ARHGAP26: variants seen among roughly 807,000 people sequenced by gnomAD.
The protein encoded by ARHGAP26 is rho GTPase-activating protein 26.
A neutral mutation model predicts 104.8 loss-of-function variants in ARHGAP26; 38 were observed. The ratio of observed to expected loss-of-function variants is 0.36; its 90% CI spans 0.28 to 0.48. ARHGAP26 has a LOEUF of 0.48. Among genes scored for constraint, ARHGAP26 ranks in the 20% least tolerant of loss-of-function variants. The pLI, the probability that ARHGAP26 is intolerant of heterozygous loss-of-function variation, is 0.99. For missense variants in ARHGAP26, 704 were observed against 947.9 expected (o/e 0.74, Z 3.38); for synonymous variants, 341 against 340.0 (o/e 1.00, Z -0.03).
chr5:143,064,028 T>TTGG (rs1787127485), intron 17 of ARHGAP26, among the ~76,000 whole-genome samples: 1 of 152,134 alleles, frequency 6.6e-6, no homozygotes, highest in Non-Finnish European at 1.5e-5. Flanking sequence ...ACACATGTGT[T>TTGG]TGGTGGTGGT....
intron 1 of ARHGAP26, among the ~76,000 whole-genome samples, chr5:142,841,448 G>A (rs921595913): frequency 1.3e-5 from 2 of 152,190 alleles, no homozygotes; most frequent in African/African-American, 4.8e-5. Flanking sequence ...AAGATTGGGT[G>A]GGAGCTGAGG....
chr5:143,156,928 C>T (rs1455210376), intron 20 of ARHGAP26, among the ~76,000 whole-genome samples: 4 of 152,238 alleles, frequency 2.6e-5, no homozygotes, highest in African/African-American at 9.6e-5. Flanking sequence ...CAAATCAAGA[C>T]AGGGTGGGTG....
chr5:142,776,296 T>C (rs1035185986), intron 1 of ARHGAP26, among the ~76,000 whole-genome samples: 6 of 152,164 alleles, frequency 3.9e-5, no homozygotes, highest in African/African-American at 1.4e-4. Context: ...AAGTGTATAA[T>C]TCAGTGGTTT....
chr5:143,054,260 A>T (rs1785463168), intron 14 of ARHGAP26, among the ~76,000 whole-genome samples, 179 bp from the exon 15 acceptor site: 1 of 152,262 alleles, frequency 6.6e-6, no homozygotes, highest in African/African-American at 2.4e-5. Flanking sequence ...CATTCTTGCC[A>T]GCAAGAGATA....
chr5:142,912,104 A>C (rs1363488636), intron 9 of ARHGAP26, among the ~76,000 whole-genome samples: 1 of 152,242 alleles, frequency 6.6e-6, no homozygotes, highest in Non-Finnish European at 1.5e-5. Flanking sequence ...AGAAACCCTA[A>C]CAAATTCCTA....
At position 142,852,378 on chromosome 5, in the gene ARHGAP26, T is replaced by C. The variant is rs78932435; in HGVS notation, c.155-21022T>C. 5.3e-3 allele frequency among the ~76,000 whole-genome samples: 811 copies of C among 152,306 alleles called. 16 individuals carry two copies. In the East Asian group the frequency reaches 0.056, roughly 11 times the overall value. Reference sequence around the variant, plus strand: ...TCCTCACAGGCATTGCTGAGTTCTTTACTAGTGCTGGCTAAGGTCAAAGGC... The same window carrying C: ...TCCTCACAGGCATTGCTGAGTTCTTCACTAGTGCTGGCTAAGGTCAAAGGC... On this transcript the variant is annotated intron_variant, in intron 1 of 22. Transcript: ENST00000645722.
At chr5:143,118,985 A>C (rs182461166) in intron 17 of ARHGAP26, among the ~76,000 whole-genome samples, 1 of 152,044 alleles carries the variant, frequency 6.6e-6, no homozygotes, top group East Asian at 1.9e-4. Context: ...AGTGGGGCCC[A>C]CTACAGGTTT....
At chr5:142,970,786 A>G (rs1772151699) in intron 11 of ARHGAP26, among the ~76,000 whole-genome samples, 1 of 152,216 alleles carries the variant, frequency 6.6e-6, no homozygotes, top group Non-Finnish European at 1.5e-5. Context: ...GCAGTAATCT[A>G]CTAATAGAAG....
chr5:142,885,359 T>G lies in ARHGAP26; in HGVS notation c.446T>G (p.Leu149Trp). 2 of 1,613,820 alleles carry G rather than the reference T, an allele frequency of 1.2e-6. No homozygotes were observed. The highest frequency in any genetic ancestry group is 2.2e-5 in the South Asian group (2 of 91,032). Residue 149 changes from leucine (L) to tryptophan (W), a missense_variant, in exon 5 of 23, where the codon TTG becomes TGG. Transcript: ENST00000645722. ...EKYCGILEKH[L>W]NLSSKKKESQ... ...TATTGTGGCATCTTAGAAAAACACT[T>G]GAATTTGTCTTCCAAAAAGAAAGAA...
intron 1 of ARHGAP26, among the ~76,000 whole-genome samples, chr5:142,808,041 C>A (rs1763320992): frequency 6.6e-6 from 1 of 151,808 alleles, no homozygotes; most frequent in African/African-American, 2.4e-5. Flanking sequence ...CGAAACCATC[C>A]TGGCTAATAC....
At chr5:143,019,349 T>G (rs1281584869) in intron 12 of ARHGAP26, among the ~76,000 whole-genome samples, 1 of 152,136 alleles carries the variant, frequency 6.6e-6, no homozygotes, top group East Asian at 1.9e-4. Flanking sequence ...TCCCTTTCAT[T>G]ATTACAAAGA....
At chr5:142,875,458 A>C (rs2152368588) in intron 3 of ARHGAP26, among the ~76,000 whole-genome samples, 1 of 152,158 alleles carries the variant, frequency 6.6e-6, no homozygotes, top group East Asian at 1.9e-4. Flanking sequence ...GAATTATTTC[A>C]CTTTTTTGGG....
chr5:143,031,086 G>A (rs1234190010), intron 12 of ARHGAP26, among the ~76,000 whole-genome samples: 2 of 152,232 alleles, frequency 1.3e-5, no homozygotes, highest in East Asian at 1.9e-4. Context: ...GCTCCCGTGC[G>A]AAATCCACAG....
At chr5:142,892,064 G>A (rs933544520) in intron 5 of ARHGAP26, among the ~76,000 whole-genome samples, 1 of 151,932 alleles carries the variant, frequency 6.6e-6, no homozygotes, top group Non-Finnish European at 1.5e-5. Context: ...CACAGAGGGA[G>A]AAGTGAAATT....
At chr5:143,137,569 T>C (rs1798042972) in intron 19 of ARHGAP26, among the ~76,000 whole-genome samples, 1 of 152,266 alleles carries the variant, frequency 6.6e-6, no homozygotes, top group South Asian at 2.1e-4. Flanking sequence ...ACCTCTCCTC[T>C]ACCTTCACAC....
intron 10 of ARHGAP26, among the ~76,000 whole-genome samples, chr5:142,920,030 T>TA (rs1304007707): frequency 1.3e-5 from 2 of 152,198 alleles, no homozygotes. Flanking sequence ...TCACTTTTTT[T>TA]ATTCTTTAAT....
At chr5:142,977,855 C>G (rs1773347107) in intron 11 of ARHGAP26, among the ~76,000 whole-genome samples, 1 of 152,206 alleles carries the variant, frequency 6.6e-6, no homozygotes, top group Non-Finnish European at 1.5e-5. Flanking sequence ...GCTCTGGTAT[C>G]TTGTGTTTCT....
At chr5:143,009,605 CATA>C (rs1274363361) in intron 11 of ARHGAP26, among the ~76,000 whole-genome samples, 6 of 152,174 alleles carry the variant, frequency 3.9e-5, no homozygotes, top group African/African-American at 1.4e-4. Flanking sequence ...TTCTATCTGT[CATA>C]ATTATTCTTT....
chr5:143,226,485 GAAAA>G lies in ARHGAP26; in HGVS notation c.*4057_*4060del, dbSNP rs57822966. The G allele has an allele frequency of 0.31, 43,500 of 140,398 alleles. 5,819 individuals carry two copies. Among genetic ancestry groups the G allele is most frequent in the African/African-American group, 0.44 (15,258 of 34,648 alleles). 8.7% of individuals were successfully genotyped at this position (140,398 alleles called of 1,614,324 possible). A position where few individuals can be genotyped will look rare whatever the true frequency, so the allele number is the denominator to read the frequency against. On this transcript the variant is annotated 3_prime_UTR_variant, in exon 23 of 23. Coordinates refer to ENST00000645722, the MANE Select transcript of ARHGAP26 (RefSeq NM_001135608.3). ...GACAGAGCCAGACTCCGTCTCAAAG[GAAAA>G]AAAAAAAAAAAAAAAAAGAATGCCA...
Sources: gnomAD v4.1 joint callset for allele counts (sites outside exome capture counted in the v4.1 genomes callset) on GRCh38, gnomAD v4.1.1 for gene constraint, MANE v1.5 for transcripts, NCBI Gene and HGNC (gene_info 2026-07-23, HGNC 2026-07-21) for gene names.